ACTN1: variants seen among roughly 807,000 people sequenced by gnomAD.
ACTN1 encodes the protein actinin alpha 1, also known as alpha-actinin-1.
In ACTN1, 30 loss-of-function variants were observed where a neutral mutation model predicts 119.6. The ratio of observed to expected loss-of-function variants is 0.25; its 90% CI spans 0.19 to 0.34. The LOEUF (loss-of-function observed/expected upper bound fraction) is 0.34, where lower values mean the gene tolerates loss of function less well. ACTN1 is among the 10% of genes least tolerant of loss of function. ACTN1 has a pLI of 1.00. For synonymous variants in ACTN1, 429 were observed against 472.6 expected, an observed-to-expected ratio of 0.91 and a Z score of 1.20; for missense variants, 764 against 1,223.4, an observed-to-expected ratio of 0.62 and a Z score of 5.60.
At position 68,880,637 on chromosome 14, in the gene ACTN1, C is replaced by T. The variant is rs1220335242; in HGVS notation, c.2133+173G>A. 6.6e-6 allele frequency among the ~76,000 whole-genome samples: 1 copy of T among 152,134 alleles called. No individual in the cohort carries two copies. The highest frequency in any genetic ancestry group is 1.5e-5 in the Non-Finnish European group (1 of 68,026). On this transcript the variant is annotated intron_variant, in intron 17 of 21. Transcript: ENST00000394419. The surrounding 1 kb of genome is among the most constrained non-coding windows in gnomAD (Gnocchi z 4.6). ...GATGGGGCCTAGAAATGTGCATTCT[C>T]AACACATTCCTTGGGAAAGCAGAAG... is the stretch of plus-strand genomic sequence containing the variant.
At chr14:68,969,499 A>C (rs2036810742) in intron 1 of ACTN1, among the ~76,000 whole-genome samples, 1 of 152,252 alleles carries the variant, frequency 6.6e-6, no homozygotes, top group South Asian at 2.1e-4. Context: ...ATTATCTATT[A>C]TCTGGAGGAT....
chr14:68,902,709 C>T (rs996879502), intron 7 of ACTN1, 147 bp from the exon 8 acceptor site: 9 of 658,760 alleles, frequency 1.4e-5, no homozygotes, highest in East Asian at 3.1e-5. Context: ...CGTCAACTTG[C>T]GCTTATGGGA....
intron 1 of ACTN1, among the ~76,000 whole-genome samples, chr14:68,953,682 G>C (rs2036246420): frequency 2.0e-5 from 3 of 151,188 alleles, no homozygotes; most frequent in Non-Finnish European, 4.4e-5. Flanking sequence ...TTCCAGACCA[G>C]CCTGGCCAAT....
intron 1 of ACTN1, among the ~76,000 whole-genome samples, chr14:68,949,852 CA>C (rs2140529653): frequency 6.6e-6 from 1 of 152,276 alleles, no homozygotes; most frequent in Non-Finnish European, 1.5e-5. Flanking sequence ...ATAACCCAGA[CA>C]CAAAAGAATA....
At chr14:68,936,995 TGA>T in intron 1 of ACTN1, 1 of 351,056 alleles carries the variant, frequency 2.8e-6, no homozygotes, top group Non-Finnish European at 5.5e-6. Context: ...CAGGGTCTTT[TGA>T]GAGTTTTCTC....
chr14:68,874,920 A>C lies in ACTN1; in HGVS notation c.2684T>G (p.Val895Gly). Residue 895 changes from valine to glycine, a missense_variant, in exon 22 of 22, where the codon GTG (valine) becomes GGG (glycine). Transcript: ENST00000394419. Reference protein sequence around the residue: ...RMAPYTGPDSVPGALDYMSFS... With the variant: ...RMAPYTGPDSGPGALDYMSFS... ...GGACATGTAGTCCAGAGCACCTGGC[A>C]CGGAGTCGGGGCCGGTGTAGGGGGC... 1 of 1,611,632 alleles carries C rather than the reference A, an allele frequency of 6.2e-7. No homozygotes were observed. Among genetic ancestry groups the C allele is most frequent in the Non-Finnish European group, 8.5e-7 (1 of 1,178,246 alleles).
intron 1 of ACTN1, among the ~76,000 whole-genome samples, chr14:68,952,002 G>A (rs986389256): frequency 6.6e-6 from 1 of 152,142 alleles, no homozygotes; most frequent in African/African-American, 2.4e-5. Context: ...GCCCTTTAAG[G>A]GAGTAGAGCA....
intron 8 of ACTN1, among the ~76,000 whole-genome samples, chr14:68,898,579 G>A (rs1184838277): frequency 1.3e-5 from 2 of 152,088 alleles, no homozygotes; most frequent in African/African-American, 4.8e-5. Context: ...CAAGACAGGA[G>A]TGTGTGAGTC....
rs759149681 is a variant in ACTN1, at chr14:68,921,135, T to G, written c.221-10A>C. The G allele has an allele frequency of 6.2e-7, 1 of 1,613,826 alleles. No homozygotes were observed. ...TTGGCCAAGCGTTCACCTGTTTGGA[T>G]CAAGAGGGAGGAAGAGGAAGGTGAG... On this transcript the variant is annotated splice_polypyrimidine_tract_variant and intron_variant, in intron 2 of 21. Coordinates refer to ENST00000394419, the MANE Select transcript of ACTN1 (RefSeq NM_001130004.2).
chr14:68,951,584 C>G (rs2036170656), intron 1 of ACTN1, among the ~76,000 whole-genome samples: 1 of 152,204 alleles, frequency 6.6e-6, no homozygotes, highest in Non-Finnish European at 1.5e-5. Context: ...CTCCGTTTCC[C>G]CAACTCTAAC....
chr14:68,953,796 A>C (rs2036255614), intron 1 of ACTN1, among the ~76,000 whole-genome samples: 1 of 152,046 alleles, frequency 6.6e-6, no homozygotes, highest in South Asian at 2.1e-4. Flanking sequence ...CTGAGGCAGA[A>C]GAATCACCTA....
At chr14:68,899,563 C>T (rs1181257844) in intron 8 of ACTN1, among the ~76,000 whole-genome samples, 1 of 151,934 alleles carries the variant, frequency 6.6e-6, no homozygotes, top group East Asian at 1.9e-4. Flanking sequence ...CCATCACATC[C>T]CCCACACACC....
At chr14:68,936,152 C>T (rs994619675) in intron 1 of ACTN1, among the ~76,000 whole-genome samples, 51 of 152,274 alleles carry the variant, frequency 3.3e-4, no homozygotes, top group African/African-American at 1.2e-3. Context: ...AAACAGCACC[C>T]GGCAACAATC....
At chr14:68,898,204 C>G (rs1285054412) in intron 8 of ACTN1, among the ~76,000 whole-genome samples, 1 of 152,216 alleles carries the variant, frequency 6.6e-6, no homozygotes, top group Non-Finnish European at 1.5e-5. Flanking sequence ...TTCTCAGAAA[C>G]AGCAGACCAT....
intron 1 of ACTN1, among the ~76,000 whole-genome samples, chr14:68,953,859 C>T (rs2036259306): frequency 6.8e-6 from 1 of 148,086 alleles, no homozygotes. Context: ...GCACTCCAGC[C>T]TGGGCGACAC....
At chr14:68,875,116 G>C (rs765089073) in intron 21 of ACTN1, 99 bp from the exon 22 acceptor site, 1 of 1,561,296 alleles carries the variant, frequency 6.4e-7, no homozygotes, top group South Asian at 1.1e-5. Flanking sequence ...AAGGCAGCAT[G>C]TGCCGTTTGC....
Position 68,885,355 on chromosome 14 carries a change from C to A in ACTN1, c.1385+70G>T. The stretch of plus-strand genomic sequence containing the variant: ...CCATCTTCCACGGCCACACCCCCAC[C>A]TCCCCCAGCAGCTGAGAAAGCCCAG... On this transcript the variant is annotated intron_variant, in intron 12 of 21. Coordinates refer to ENST00000394419, the MANE Select transcript of ACTN1 (RefSeq NM_001130004.2). The surrounding 1 kb of genome is among the most constrained non-coding windows in gnomAD (Gnocchi z 5.6). The A allele has an allele frequency of 6.5e-7, 1 of 1,528,064 alleles. No individual in the cohort carries two copies. 94.7% of individuals were successfully genotyped at this position (1,528,064 alleles called of 1,614,324 possible).
At position 68,885,102 on chromosome 14, in the gene ACTN1, G is replaced by T. The variant is rs998227011; in HGVS notation, c.1386-219C>A. Among the ~76,000 whole-genome samples, 2 of 152,138 alleles carry T rather than the reference G, an allele frequency of 1.3e-5. No homozygotes were observed. The highest frequency in any genetic ancestry group is 2.9e-5 in the Non-Finnish European group (2 of 68,008). On this transcript the variant is annotated intron_variant, in intron 12 of 21. Transcript: ENST00000394419. The surrounding 1 kb of genome is among the most constrained non-coding windows in gnomAD (Gnocchi z 5.6). ...ACCCCTTTCCCAGTCATGGCTGGAG[G>T]TGACACCAGCCTTCACCTCAATGGC...
In ACTN1 at chr14:68,879,040, C is replaced by T. The variant is rs1054225; in HGVS notation, c.2310G>A (p.Glu770=). Residue 770 remains glutamate, a synonymous_variant, in exon 19 of 22, where the codon GAG becomes GAA. Coordinates refer to ENST00000394419, the MANE Select transcript of ACTN1 (RefSeq NM_001130004.2). This position sits in a 1 kb window ranked among gnomAD's most constrained non-coding sequence, Gnocchi z 4.9. Reference sequence around the variant, plus strand: ...CCAAGCTGATGAGGCAGGCTTTGAACTCCTCGGGACCCAGTGTGCCGGAGT... The same window carrying T: ...CCAAGCTGATGAGGCAGGCTTTGAATTCCTCGGGACCCAGTGTGCCGGAGT... ...RDHSGTLGPE[E]FKACLISLGY... 43 of 1,612,840 alleles carry T rather than the reference C, an allele frequency of 2.7e-5. 1 individual carries two copies. Among genetic ancestry groups the T allele is most frequent in the Non-Finnish European group, 3.6e-5 (42 of 1,179,638 alleles).
Sources: gnomAD v4.1 joint callset for allele counts (sites outside exome capture counted in the v4.1 genomes callset) on GRCh38, gnomAD v4.1.1 for gene constraint, Gnocchi (gnomAD v3.1) non-coding constraint, MANE v1.5 for transcripts, NCBI Gene and HGNC (gene_info 2026-07-23, HGNC 2026-07-21) for gene names.